HNF1B: variants seen among roughly 807,000 people sequenced by gnomAD.
The protein encoded by HNF1B is HNF1 homeobox B, also known as hepatocyte nuclear factor 1-beta.
In HNF1B, 8 loss-of-function variants were observed where a neutral mutation model predicts 61.7. The ratio of observed to expected loss-of-function variants is 0.13; its 90% confidence interval spans 0.08 to 0.23. The LOEUF is 0.23. HNF1B is among the 10% of genes least tolerant of loss of function. HNF1B has a pLI of 1.00. For missense variants in HNF1B, 562 were observed against 714.5 expected, an observed-to-expected ratio of 0.79 and a Z score of 2.43; for synonymous variants, 314 against 287.7, an observed-to-expected ratio of 1.09 and a Z score of -0.93.
Position 37,744,743 on chromosome 17 carries a change from G to C in HNF1B, c.142C>G (p.Leu48Val). 2 of 1,613,504 alleles carry C rather than the reference G, an allele frequency of 1.2e-6. No homozygotes were observed. The highest frequency in any genetic ancestry group is 1.3e-5 in the African/African-American group (1 of 75,064). ...GGCTCGGCCCCGCTGCCAGGGGACA[G>C]GGGCAGCGTCTCCAGCTTCACCCCG... ...NFGVKLETLP[L>V]SPGSGAEPDT... The change falls in exon 1 of 9, where the codon CTG (leucine) becomes GTG (valine). Residue 48 changes from leucine (L) to valine (V), a missense_variant. Transcript: ENST00000617811.
chr17:37,706,427 T>C (rs958192161), intron 5 of HNF1B, among the ~76,000 whole-genome samples: 1 of 152,060 alleles, frequency 6.6e-6, no homozygotes, highest in African/African-American at 2.4e-5. Context: ...CCAGAGCTTT[T>C]CAGACGATAG....
intron 4 of HNF1B, chr17:37,731,207 T>A: frequency 5.9e-6 from 2 of 338,106 alleles, no homozygotes; most frequent in Non-Finnish European, 1.1e-5. Context: ...CGGAGTGCCA[T>A]CCTCCAACAC....
chr17:37,722,874 G>C (rs1423201290), intron 4 of HNF1B, among the ~76,000 whole-genome samples: 4 of 152,120 alleles, frequency 2.6e-5, no homozygotes, highest in Non-Finnish European at 4.4e-5. Flanking sequence ...CCGTGGGGCT[G>C]TGTGCACCTT....
intron 8 of HNF1B, among the ~76,000 whole-genome samples, chr17:37,691,283 A>G (rs1484752168): frequency 6.6e-6 from 1 of 152,202 alleles, no homozygotes; most frequent in African/African-American, 2.4e-5. Context: ...AGTCACTTCT[A>G]TGACCATGAA....
At chr17:37,726,619 A>T (rs2033507014) in intron 4 of HNF1B, among the ~76,000 whole-genome samples, 1 of 152,132 alleles carries the variant, frequency 6.6e-6, no homozygotes, top group Non-Finnish European at 1.5e-5. Context: ...CCCTCAGGTA[A>T]CCTGGGAGGG....
rs3110650 is a variant in HNF1B at position 37,715,897 on chromosome 17, C to T, written c.1046-5234G>A. Reference sequence around the variant, plus strand: ...CTGTAATCCCAGCACTTTGGGAGGCCGAGGCAGGTGGATCACTTGAGGTCA... The same window carrying T: ...CTGTAATCCCAGCACTTTGGGAGGCTGAGGCAGGTGGATCACTTGAGGTCA... On this transcript the variant is annotated intron_variant, in intron 4 of 8. Coordinates refer to ENST00000617811, the MANE Select transcript of HNF1B (RefSeq NM_000458.4). Among the ~76,000 whole-genome samples the T allele has an allele frequency of 3.7e-3, 569 of 152,172 alleles. 2 individuals carry two copies. The highest frequency in any genetic ancestry group is 0.013 in the African/African-American group (553 of 41,542).
intron 1 of HNF1B, 107 bp from the exon 2 acceptor site, chr17:37,739,746 C>A: frequency 9.2e-7 from 1 of 1,084,440 alleles, no homozygotes; most frequent in South Asian, 1.3e-5. Context: ...CTGAATTTTC[C>A]CCCCATCTAA....
intron 4 of HNF1B, among the ~76,000 whole-genome samples, chr17:37,713,038 A>G (rs1259664742): frequency 6.6e-6 from 1 of 152,188 alleles, no homozygotes; most frequent in East Asian, 1.9e-4. Context: ...AACCTGGGAG[A>G]GAGGTCTAGC....
intron 6 of HNF1B, among the ~76,000 whole-genome samples, chr17:37,701,565 T>C (rs1212264923): frequency 1.3e-5 from 2 of 152,212 alleles, no homozygotes; most frequent in Admixed American, 6.5e-5. Context: ...GTTAAAGATG[T>C]CCACACTGAG....
Position 37,712,419 on chromosome 17 carries a change from G to A in HNF1B, c.1046-1756C>T, listed in dbSNP as rs943823994. 3.3e-5 allele frequency among the ~76,000 whole-genome samples: 5 copies of A among 150,128 alleles called. No individual in the cohort carries two copies. The East Asian group carries it at 7.7e-4, about 23-fold the overall frequency. Reference sequence around the variant, plus strand: ...GCCCCCACGTCTCCTGTTTGCCATCGATGCCATCCCATTGGATTAAATGAG... The same window carrying A: ...GCCCCCACGTCTCCTGTTTGCCATCAATGCCATCCCATTGGATTAAATGAG... On this transcript the variant is annotated intron_variant, in intron 4 of 8. Transcript: ENST00000617811.
intron 8 of HNF1B, among the ~76,000 whole-genome samples, chr17:37,697,614 G>A (rs999951656): frequency 6.6e-6 from 1 of 152,220 alleles, no homozygotes; most frequent in Non-Finnish European, 1.5e-5. Flanking sequence ...AAAGGGGAAG[G>A]TATTCCCAAG....
chr17:37,740,833 T>C (rs1029813827), intron 1 of HNF1B, among the ~76,000 whole-genome samples: 1 of 152,240 alleles, frequency 6.6e-6, no homozygotes, highest in Non-Finnish European at 1.5e-5. Context: ...AAACTGCTAG[T>C]TTTAGCACCT....
intron 8 of HNF1B, among the ~76,000 whole-genome samples, chr17:37,694,013 G>A (rs1394699167): frequency 6.6e-6 from 1 of 152,196 alleles, no homozygotes; most frequent in Non-Finnish European, 1.5e-5. Flanking sequence ...ACAACCTGCA[G>A]AGCCATGAGC....
intron 8 of HNF1B, among the ~76,000 whole-genome samples, chr17:37,697,439 C>T (rs528103178): frequency 5.9e-5 from 9 of 152,286 alleles, no homozygotes; most frequent in Non-Finnish European, 1.3e-4. Flanking sequence ...GCTGGTGCAG[C>T]GTCTCAGGGA....
chr17:37,702,761 GC>G (rs1486394665), intron 6 of HNF1B, among the ~76,000 whole-genome samples: 1 of 152,156 alleles, frequency 6.6e-6, no homozygotes, highest in Non-Finnish European at 1.5e-5. Flanking sequence ...ACATTCCTGG[GC>G]CCCACCCAAG....
chr17:37,714,306 T>A (rs2033033162), intron 4 of HNF1B, among the ~76,000 whole-genome samples: 1 of 152,244 alleles, frequency 6.6e-6, no homozygotes, highest in South Asian at 2.1e-4. Flanking sequence ...ATTGAGCACC[T>A]ACCATGTGCC....
intron 7 of HNF1B, among the ~76,000 whole-genome samples, chr17:37,699,719 G>A (rs1422313523): frequency 6.6e-6 from 1 of 152,190 alleles, no homozygotes; most frequent in Non-Finnish European, 1.5e-5. Context: ...AGGGAAGTGG[G>A]GCACATGTGG....
In HNF1B at chr17:37,733,552, G is replaced by T; in HGVS notation, c.809+5C>A. On this transcript the variant is annotated splice_donor_5th_base_variant and intron_variant, in intron 3 of 8. Transcript: ENST00000617811. ...CCTGCCCAGGTGAGCTTCTGGTGGTGTTACCTGTTGCATTCCTCCACTAAG... is the reference window on the plus strand; with the variant it reads ...CCTGCCCAGGTGAGCTTCTGGTGGTTTTACCTGTTGCATTCCTCCACTAAG... 6.2e-7 allele frequency: 1 copy of T among 1,614,174 alleles called. No individual in the cohort carries two copies. Among genetic ancestry groups the T allele is most frequent in the Non-Finnish European group, 8.5e-7 (1 of 1,180,044 alleles).
rs764780061 is a variant in HNF1B at position 37,744,893 on chromosome 17, G to T, written c.-9C>A. 1.1e-6 allele frequency: 1 copy of T among 902,918 alleles called. No homozygotes were observed. The highest frequency in any genetic ancestry group is 1.7e-6 in the Non-Finnish European group (1 of 597,406). The allele number at this position is 902,918 out of a possible 1,614,324, so 55.9% of individuals were successfully genotyped here. On this transcript the variant is annotated 5_prime_UTR_variant, in exon 1 of 9. Coordinates refer to ENST00000617811, the MANE Select transcript of HNF1B (RefSeq NM_000458.4). Reference sequence around the variant, plus strand: ...GTGAGCTTGGACACCATTTTCCAAGGACGGAAAAAGAAGGGGGTGAGGGGG... The same window carrying T: ...GTGAGCTTGGACACCATTTTCCAAGTACGGAAAAAGAAGGGGGTGAGGGGG...
Sources: allele counts gnomAD v4.1 joint callset (sites outside exome capture counted in the v4.1 genomes callset), GRCh38; gene constraint gnomAD v4.1.1; transcripts MANE v1.5; gene names NCBI Gene and HGNC (gene_info 2026-07-23, HGNC 2026-07-21).